Variants in LDLRAD4 observed in about 807,000 individuals in gnomAD.
LDLRAD4 encodes low-density lipoprotein receptor class A domain-containing protein 4.
Under a neutral mutation model 17.0 loss-of-function variants are expected in LDLRAD4, and 5 were observed. That is an observed-to-expected ratio of 0.29 (90% CI 0.15 to 0.62). The LOEUF (loss-of-function observed/expected upper bound fraction) is 0.62, where lower values mean the gene tolerates loss of function less well. Ranked by LOEUF, LDLRAD4 falls within the 20% of genes least tolerant of loss-of-function variation. The pLI, the probability that LDLRAD4 is intolerant of heterozygous loss-of-function variation, is 0.84. For synonymous variants in LDLRAD4, 168 were observed against 171.8 expected (o/e 0.98, Z 0.17); for missense variants, 340 against 424.7 (o/e 0.80, Z 1.75).
intron 3 of LDLRAD4, among the ~76,000 whole-genome samples, chr18:13,493,723 C>G (rs2093404752): frequency 6.6e-6 from 1 of 152,162 alleles, no homozygotes; most frequent in African/African-American, 2.4e-5. Context: ...TTTTTTCCTC[C>G]CATCTGGGGC....
At chr18:13,289,780 T>G (rs2045861019) in intron 1 of LDLRAD4, among the ~76,000 whole-genome samples, 1 of 152,234 alleles carries the variant, frequency 6.6e-6, no homozygotes, top group Non-Finnish European at 1.5e-5. Context: ...CAGATGTAAA[T>G]TCCTTCTTGC....
intron 3 of LDLRAD4, among the ~76,000 whole-genome samples, chr18:13,507,314 C>T (rs1016964747): frequency 2.0e-5 from 3 of 152,106 alleles, no homozygotes; most frequent in African/African-American, 4.8e-5. Flanking sequence ...TTATCTCTTA[C>T]CCTCCTCCCA....
chr18:13,221,874 A>C (rs1400818308), intron 1 of LDLRAD4, among the ~76,000 whole-genome samples: 1 of 152,174 alleles, frequency 6.6e-6, no homozygotes, highest in Non-Finnish European at 1.5e-5. Flanking sequence ...TTCTCCCTTG[A>C]TTGGCAGCTG....
chr18:13,473,148 A>G (rs2092824546), intron 3 of LDLRAD4, among the ~76,000 whole-genome samples: 1 of 151,946 alleles, frequency 6.6e-6, no homozygotes, highest in Admixed American at 6.6e-5. Flanking sequence ...AAGCAAACCT[A>G]ATTATAACCT....
Position 13,623,228 on chromosome 18 carries a change from G to A in LDLRAD4, c.336+1957G>A, listed in dbSNP as rs1265673752. On this transcript the variant is annotated intron_variant, in intron 4 of 5. Coordinates refer to ENST00000359446, the Ensembl canonical transcript of LDLRAD4. ...AAGCGCTGGCTGCCCCACCTGCAGA[G>A]CCTCCCTTCCCTGAAATCAGGAAGG... is the stretch of plus-strand genomic sequence containing the variant. Among the ~76,000 whole-genome samples, 7 of 152,360 alleles carry A rather than the reference G, an allele frequency of 4.6e-5. No homozygotes were observed. The East Asian group carries it at 1.2e-3, about 25-fold the overall frequency.
intron 3 of LDLRAD4, among the ~76,000 whole-genome samples, chr18:13,439,054 G>T (rs1280273067): frequency 6.6e-6 from 1 of 152,186 alleles, no homozygotes; most frequent in Non-Finnish European, 1.5e-5. Flanking sequence ...TAAGTGAAGG[G>T]GGTTGAGGCT....
intron 1 of LDLRAD4, among the ~76,000 whole-genome samples, chr18:13,238,501 C>A (rs1056677657): frequency 1.1e-4 from 16 of 152,206 alleles, no homozygotes; most frequent in Non-Finnish European, 2.1e-4. Context: ...CTTTTTACAT[C>A]TACTCTGTGC....
At chr18:13,280,829 G>T (rs947465499) in intron 1 of LDLRAD4, among the ~76,000 whole-genome samples, 1 of 152,208 alleles carries the variant, frequency 6.6e-6, no homozygotes, top group Non-Finnish European at 1.5e-5. Context: ...ATGTCTTCCA[G>T]TGTGAGACCA....
exon 6 of LDLRAD4, chr18:13,649,482 C>T (rs1390961138): frequency 1.3e-5 from 2 of 152,260 alleles, no homozygotes; most frequent in African/African-American, 4.8e-5. Flanking sequence ...AGGCCAGATA[C>T]TGATTGCTAG....
At chr18:13,263,926 A>G (rs146411981) in intron 1 of LDLRAD4, among the ~76,000 whole-genome samples, 1 of 152,160 alleles carries the variant, frequency 6.6e-6, no homozygotes, top group Non-Finnish European at 1.5e-5. Context: ...TACAGTCAAC[A>G]TGACTTTAGA....
At chr18:13,248,468 C>A (rs562574762) in intron 1 of LDLRAD4, among the ~76,000 whole-genome samples, 1 of 152,318 alleles carries the variant, frequency 6.6e-6, no homozygotes, top group South Asian at 2.1e-4. Context: ...GGCACAGCGA[C>A]CACCCCATAA....
chr18:13,406,003 G>C (rs1213757856), intron 2 of LDLRAD4, among the ~76,000 whole-genome samples: 1 of 152,194 alleles, frequency 6.6e-6, no homozygotes, highest in Non-Finnish European at 1.5e-5. Flanking sequence ...GATTCTTCCT[G>C]TGCAACTTTG....
intron 1 of LDLRAD4, among the ~76,000 whole-genome samples, chr18:13,354,445 T>C (rs2144494020): frequency 6.6e-6 from 1 of 152,338 alleles, no homozygotes; most frequent in South Asian, 2.1e-4. Flanking sequence ...GTTCTTTTAT[T>C]GCTGTTGGGT....
chr18:13,472,963 C>T (rs955745932), intron 3 of LDLRAD4, among the ~76,000 whole-genome samples: 1 of 152,192 alleles, frequency 6.6e-6, no homozygotes, highest in African/African-American at 2.4e-5. Flanking sequence ...TACTCATCAT[C>T]TCAGTATGTC....
intron 1 of LDLRAD4, among the ~76,000 whole-genome samples, chr18:13,265,329 CAACGCCA>C (rs1487983217): frequency 6.6e-6 from 1 of 152,186 alleles, no homozygotes; most frequent in Non-Finnish European, 1.5e-5. Context: ...CTTTGAAGGT[CAACGCCA>C]AACTTACCTG....
chr18:13,443,893 G>T (rs766703738), intron 3 of LDLRAD4, among the ~76,000 whole-genome samples: 25 of 152,200 alleles, frequency 1.6e-4, no homozygotes, highest in Non-Finnish European at 3.4e-4. Context: ...GGGAGACTCA[G>T]GTGTGAACGC....
In LDLRAD4 at chr18:13,503,304, T is replaced by C. The variant is rs536384050; in HGVS notation, c.181+64920T>C. Among the ~76,000 whole-genome samples, 14 of 152,350 alleles carry C rather than the reference T, an allele frequency of 9.2e-5. No homozygotes were observed. In the South Asian group the frequency reaches 1.9e-3, roughly 20 times the overall value. On this transcript the variant is annotated intron_variant, in intron 3 of 5. Coordinates refer to ENST00000359446, the Ensembl canonical transcript of LDLRAD4. The stretch of plus-strand genomic sequence containing the variant: ...TTCTGCTTCAGCAGCATCTCAATTC[T>C]GCGCAGCCTTTGAAAATCCTTTTCT...
At chr18:13,391,241 A>G (rs2086252886) in intron 2 of LDLRAD4, among the ~76,000 whole-genome samples, 1 of 152,120 alleles carries the variant, frequency 6.6e-6, no homozygotes, top group Non-Finnish European at 1.5e-5. Context: ...TTATGTTCCA[A>G]TTCTCTTGGA....
intron 1 of LDLRAD4, among the ~76,000 whole-genome samples, chr18:13,352,377 G>A (rs1374907369): frequency 7.2e-6 from 1 of 139,444 alleles, no homozygotes; most frequent in Non-Finnish European, 1.6e-5. Flanking sequence ...CTGACAGGTT[G>A]TTTTTGTTTG....
Sources: gnomAD v4.1 joint callset for allele counts (sites outside exome capture counted in the v4.1 genomes callset) on GRCh38, gnomAD v4.1.1 for gene constraint, MANE v1.5 for transcripts, NCBI Gene and HGNC (gene_info 2026-07-23, HGNC 2026-07-21) for gene names.